SOCS4: variants seen among roughly 807,000 people sequenced by gnomAD.
The protein encoded by SOCS4 is suppressor of cytokine signaling 4, also known as SH2 domain containing SOCS box protein.
Under a neutral mutation model 34.1 loss-of-function variants are expected in SOCS4, and 20 were observed. That is an observed-to-expected ratio of 0.59 (90% confidence interval 0.41 to 0.85). The LOEUF (loss-of-function observed/expected upper bound fraction) is 0.85, where lower values mean the gene tolerates loss of function less well. Ranked by LOEUF, SOCS4 falls within the 40% of genes least tolerant of loss-of-function variation. SOCS4 has a pLI of 0.00. For missense variants in SOCS4, 479 were observed against 532.4 expected (o/e 0.90, Z 0.99); for synonymous variants, 180 against 186.4 (o/e 0.97, Z 0.28).
rs1374668073 is a variant in SOCS4, at chr14:55,046,334, G to GT, written c.*1976dup. The GT allele has an allele frequency of 1.2e-5, 2 of 166,692 alleles. No homozygotes were observed. The highest frequency in any genetic ancestry group is 3.8e-4 in the East Asian group (2 of 5,206). 10.3% of individuals were successfully genotyped at this position (166,692 alleles called of 1,614,324 possible). A position where few individuals can be genotyped will look rare whatever the true frequency, so the allele number is the denominator to read the frequency against. ...TGTGGTAAGAGTACCCATGATTATA[G>GT]TTTTTTATCAGAATTTGATAAGATT... On this transcript the variant is annotated 3_prime_UTR_variant, in exon 3 of 3. Transcript: ENST00000555846.
chr14:55,038,965 T>C (rs1001554477), intron 2 of SOCS4, among the ~76,000 whole-genome samples: 1 of 152,258 alleles, frequency 6.6e-6, no homozygotes, highest in African/African-American at 2.4e-5. Flanking sequence ...GTTATAGATA[T>C]CTGTTCATTT....
chr14:55,043,902 C>T lies in SOCS4; in HGVS notation c.861C>T (p.Tyr287=). The change falls in exon 3 of 3, where the codon TAC becomes TAT. Residue 287 remains tyrosine, a synonymous_variant. Transcript: ENST00000555846. ...TTCAGATCAATAACAACCCATGTTA[C>T]TGGGGAGTGATGGATAAATACGCAG... is the stretch of plus-strand genomic sequence containing the variant. ...DLLQINNNPC[Y]WGVMDKYAAE... is the part of the protein sequence containing the mutation. The T allele has an allele frequency of 1.9e-6, 3 of 1,614,142 alleles. No individual in the cohort carries two copies. Among genetic ancestry groups the T allele is most frequent in the Non-Finnish European group, 2.5e-6 (3 of 1,180,022 alleles).
Position 55,046,611 on chromosome 14 carries a change from T to TA in SOCS4, c.*2247_*2248insA, listed in dbSNP as rs1462164721. Reference sequence around the variant, plus strand: ...GATATGTTTTCTCTGGCTTTTTTATTTTTTCAACTTCAAGGTATTAACAGC... The same window carrying TA: ...GATATGTTTTCTCTGGCTTTTTTATTATTTTCAACTTCAAGGTATTAACAGC... On this transcript the variant is annotated 3_prime_UTR_variant, in exon 3 of 3. Transcript: ENST00000555846. The TA allele has an allele frequency of 6.0e-6, 1 of 166,976 alleles. No homozygotes were observed. Among genetic ancestry groups the TA allele is most frequent in the Non-Finnish European group, 1.5e-5 (1 of 68,048 alleles). 10.3% of individuals were successfully genotyped at this position (166,976 alleles called of 1,614,324 possible).
intron 1 of SOCS4, among the ~76,000 whole-genome samples, chr14:55,030,705 T>A (rs1262991521): frequency 6.6e-6 from 1 of 152,154 alleles, no homozygotes; most frequent in African/African-American, 2.4e-5. Context: ...GCTGGCATTA[T>A]CCAGATTTTA....
chr14:55,037,077 C>T (rs1261595319), intron 2 of SOCS4, among the ~76,000 whole-genome samples: 1 of 151,864 alleles, frequency 6.6e-6, no homozygotes, highest in Non-Finnish European at 1.5e-5. Context: ...AGATCAGTGC[C>T]ACTGTACTCC....
chr14:55,043,046 C>T lies in SOCS4; in HGVS notation c.5C>T (p.Ala2Val), dbSNP rs776066163. 2 of 1,598,842 alleles carry T rather than the reference C, an allele frequency of 1.3e-6. No homozygotes were observed. Among genetic ancestry groups the T allele is most frequent in the Non-Finnish European group, 1.7e-6 (2 of 1,171,922 alleles). The change falls in exon 3 of 3, where the codon GCA becomes GTA. Residue 2 changes from alanine to valine, a missense_variant. Transcript: ENST00000555846. ...GAATCTGGATAATTTGTTAACATGG[C>T]AGAAAATAATGAAAATATTAGTAAA... MAENNENISKNV... is the reference protein window; with the variant it reads MVENNENISKNV...
intron 1 of SOCS4, among the ~76,000 whole-genome samples, chr14:55,028,392 G>A (rs1168607234): frequency 6.6e-6 from 1 of 152,128 alleles, no homozygotes; most frequent in Non-Finnish European, 1.5e-5. Context: ...TGGTACCAGA[G>A]ATGATGCTTT....
chr14:55,037,964 T>G (rs551247686), intron 2 of SOCS4, among the ~76,000 whole-genome samples: 5 of 152,216 alleles, frequency 3.3e-5, no homozygotes, highest in African/African-American at 1.2e-4. Flanking sequence ...CTTATATTAG[T>G]CTGTTCTCAT....
At position 55,047,951 on chromosome 14, in the gene SOCS4, G is replaced by A. The variant is rs111857057; in HGVS notation, c.*3587G>A. ...CTCTTTTTTTTTGAGACAGAGTCTC[G>A]CTGTTGTCAGCCCAGGCTGGAGTGC... On this transcript the variant is annotated 3_prime_UTR_variant, in exon 3 of 3. Transcript: ENST00000555846. The A allele has an allele frequency of 2.4e-5, 4 of 166,896 alleles. No homozygotes were observed. The highest frequency in any genetic ancestry group is 4.4e-5 in the Non-Finnish European group (3 of 68,084). 10.3% of individuals were successfully genotyped at this position (166,896 alleles called of 1,614,324 possible).
rs764699616 is a variant in SOCS4, at chr14:55,043,086, G to C, written c.45G>C (p.Arg15Ser). 16 of 1,613,526 alleles carry C rather than the reference G, an allele frequency of 9.9e-6. No homozygotes were observed. Among genetic ancestry groups the C allele is most frequent in the Middle Eastern group, 1.7e-4 (1 of 6,060 alleles). ...ATATTAGTAAAAATGTAGATGTAAG[G>C]CCCAAAACTAGTCGGAGCAGAAGTG... Reference protein sequence around the residue: ...NENISKNVDVRPKTSRSRSAD... With the variant: ...NENISKNVDVSPKTSRSRSAD... Residue 15 changes from arginine to serine, a missense_variant, in exon 3 of 3, where the codon AGG (arginine) becomes AGC (serine). Coordinates refer to ENST00000555846, the MANE Select transcript of SOCS4 (RefSeq NM_199421.2).
intron 2 of SOCS4, among the ~76,000 whole-genome samples, chr14:55,037,511 T>A (rs929464256): frequency 6.6e-6 from 1 of 151,850 alleles, no homozygotes; most frequent in Non-Finnish European, 1.5e-5. Flanking sequence ...ATTTTTTTTT[T>A]AGAAGGAATT....
In SOCS4 at chr14:55,044,500, A is replaced by G. The variant is rs2042656251; in HGVS notation, c.*136A>G. 1 of 562,276 alleles carries G rather than the reference A, an allele frequency of 1.8e-6. No homozygotes were observed. Among genetic ancestry groups the G allele is most frequent in the African/African-American group, 2.0e-5 (1 of 51,054 alleles). The allele number at this position is 562,276 out of a possible 1,614,324, so 34.8% of individuals were successfully genotyped here. A position where few individuals can be genotyped will look rare whatever the true frequency, so the allele number is the denominator to read the frequency against. The stretch of plus-strand genomic sequence containing the variant: ...AATCTCTGCCCTAAATTTTACTAAT[A>G]AATCCATTTTTCTAGTGATACACAA... On this transcript the variant is annotated 3_prime_UTR_variant, in exon 3 of 3. Coordinates refer to ENST00000555846, the MANE Select transcript of SOCS4 (RefSeq NM_199421.2).
In SOCS4 at chr14:55,043,767, A is replaced by C. The variant is rs2042644795; in HGVS notation, c.726A>C (p.Arg242Ser). The change falls in exon 3 of 3, where the codon AGA (arginine) becomes AGC (serine). Residue 242 changes from arginine (R) to serine (S), a missense_variant. By Grantham distance (110) the Arg-to-Ser change is moderately radical. Transcript: ENST00000555846. ...TTCTAACACTTTGCACAAGTTCCAG[A>C]AAAAGAAACAAACCCAAATGGGATT... The part of the protein sequence containing the change: ...DEILTLCTSS[R>S]KRNKPKWDLD... 1 of 1,614,070 alleles carries C rather than the reference A, an allele frequency of 6.2e-7. No individual in the cohort carries two copies. Among genetic ancestry groups the C allele is most frequent in the Non-Finnish European group, 8.5e-7 (1 of 1,180,036 alleles).
rs1239300235 is a variant in SOCS4, at chr14:55,046,694, A to G, written c.*2330A>G. 1 of 167,032 alleles carries G rather than the reference A, an allele frequency of 6.0e-6. No homozygotes were observed. The highest frequency in any genetic ancestry group is 1.5e-5 in the Non-Finnish European group (1 of 68,066). The allele number at this position is 167,032 out of a possible 1,614,324, so 10.3% of individuals were successfully genotyped here. A position where few individuals can be genotyped will look rare whatever the true frequency, so the allele number is the denominator to read the frequency against. On this transcript the variant is annotated 3_prime_UTR_variant, in exon 3 of 3. Coordinates refer to ENST00000555846, the MANE Select transcript of SOCS4 (RefSeq NM_199421.2). The stretch of plus-strand genomic sequence containing the variant: ...AGCCTTGAAGTAGTTGATCTAATAA[A>G]TGAGAGCAGGGAGGAGATTCATTGA...
chr14:55,044,241 T>A lies in SOCS4; in HGVS notation c.1200T>A (p.Cys400Ter), dbSNP rs1311919807. Residue 400 changes from cysteine (C) to a stop codon, truncating the protein, a stop_gained, in exon 3 of 3, where the codon TGT becomes TGA. Coordinates refer to ENST00000555846, the MANE Select transcript of SOCS4 (RefSeq NM_199421.2). LOFTEE classifies it high-confidence loss of function. The part of the protein sequence containing the change: ...QHICRTVICN[C>*]TTYDGIDALP... ...TATGCAGAACAGTTATTTGTAACTG[T>A]ACAACTTATGATGGCATCGATGCCC... The A allele has an allele frequency of 6.2e-7, 1 of 1,613,972 alleles. No homozygotes were observed. The highest frequency in any genetic ancestry group is 8.5e-7 in the Non-Finnish European group (1 of 1,179,964).
Position 55,040,617 on chromosome 14 carries a change from G to A in SOCS4, c.-90-2335G>A, listed in dbSNP as rs377245511. ...AAATTAGCCGGGCGTGGTGGTGGGC[G>A]CCTGTAGTCCCAGCTACTCGGGAGG... On this transcript the variant is annotated intron_variant, in intron 2 of 2. Transcript: ENST00000555846. 1.6e-3 allele frequency among the ~76,000 whole-genome samples: 242 copies of A among 151,884 alleles called. 1 individual carries two copies. The highest frequency in any genetic ancestry group is 0.01 in the Middle Eastern group (3 of 294).
intron 2 of SOCS4, among the ~76,000 whole-genome samples, chr14:55,037,094 G>C (rs568883046): frequency 6.6e-6 from 1 of 151,938 alleles, no homozygotes; most frequent in South Asian, 2.1e-4. Flanking sequence ...CTCCAGCCTG[G>C]GTGACAAAGT....
In SOCS4 at chr14:55,045,877, T is replaced by G. The variant is rs1051730010; in HGVS notation, c.*1513T>G. ...TAAACTTCCAAGTTAGAACAAATAT[T>G]TCTTCATTATTGTTGCTTTTATGTG... is the stretch of plus-strand genomic sequence containing the variant. On this transcript the variant is annotated 3_prime_UTR_variant, in exon 3 of 3. Transcript: ENST00000555846. 6.0e-6 allele frequency: 1 copy of G among 166,972 alleles called. No homozygotes were observed. The highest frequency in any genetic ancestry group is 1.9e-4 in the East Asian group (1 of 5,208). 10.3% of individuals were successfully genotyped at this position (166,972 alleles called of 1,614,324 possible).
In SOCS4 at chr14:55,049,055, T is replaced by C. The variant is rs2042702987; in HGVS notation, c.*4691T>C. 1 of 166,808 alleles carries C rather than the reference T, an allele frequency of 6.0e-6. No homozygotes were observed. The highest frequency in any genetic ancestry group is 2.1e-4 in the South Asian group (1 of 4,832). The allele number at this position is 166,808 out of a possible 1,614,324, so 10.3% of individuals were successfully genotyped here. A position where few individuals can be genotyped will look rare whatever the true frequency, so the allele number is the denominator to read the frequency against. ...TCTGCAATTAGAGGAACAATTGCAG[T>C]TTCCTCCTACCCTTCATATGGTCTG... On this transcript the variant is annotated 3_prime_UTR_variant, in exon 3 of 3. Coordinates refer to ENST00000555846, the MANE Select transcript of SOCS4 (RefSeq NM_199421.2).
Sources: gnomAD v4.1 joint callset for allele counts (sites outside exome capture counted in the v4.1 genomes callset) on GRCh38, gnomAD v4.1.1 for gene constraint, MANE v1.5 for transcripts, NCBI Gene and HGNC (gene_info 2026-07-23, HGNC 2026-07-21) for gene names.